TMC1: variants seen among roughly 807,000 people sequenced by gnomAD.
TMC1 encodes the protein transmembrane channel-like protein 1.
In TMC1, 84 loss-of-function variants were observed where a neutral mutation model predicts 105.8. That is an observed-to-expected ratio of 0.79 (90% CI 0.67 to 0.95). TMC1 has a LOEUF of 0.95. Among genes scored for constraint, TMC1 ranks in the 40% least tolerant of loss-of-function variants. The pLI, the probability that TMC1 is intolerant of heterozygous loss-of-function variation, is 0.00. For synonymous variants in TMC1, 315 were observed against 311.5 expected (o/e 1.01, Z -0.12); for missense variants, 817 against 914.1 (o/e 0.89, Z 1.37).
intron 5 of TMC1, among the ~76,000 whole-genome samples, chr9:72,665,396 G>A (rs1036780487): frequency 6.6e-6 from 1 of 152,138 alleles, no homozygotes; most frequent in Admixed American, 6.5e-5. Flanking sequence ...TTGGACTCTG[G>A]CACTATTTTC....
At chr9:72,761,577 A>G (rs1252424224) in intron 12 of TMC1, among the ~76,000 whole-genome samples, 2 of 152,212 alleles carry the variant, frequency 1.3e-5, no homozygotes, top group Non-Finnish European at 2.9e-5. Flanking sequence ...AAGTAGGTAC[A>G]TACATTAAAT....
intron 17 of TMC1, among the ~76,000 whole-genome samples, chr9:72,793,853 T>C (rs1302087163): frequency 6.6e-6 from 1 of 152,202 alleles, no homozygotes; most frequent in Non-Finnish European, 1.5e-5. Flanking sequence ...GGCCTCCAGC[T>C]ACCCTCTGCT....
At chr9:72,562,677 G>C (rs1824078274) in intron 1 of TMC1, among the ~76,000 whole-genome samples, 2 of 151,384 alleles carry the variant, frequency 1.3e-5, no homozygotes, top group South Asian at 4.2e-4. Flanking sequence ...ATTATTATTT[G>C]TCAATTAAAT....
At chr9:72,577,683 T>A (rs779597097) in intron 1 of TMC1, 5 of 148,106 alleles carry the variant, frequency 3.4e-5, no homozygotes, top group Admixed American at 1.4e-4. Context: ...TGACTCAGTG[T>A]TTTTTTTTTA....
At chr9:72,791,591 C>T (rs775052437) in intron 15 of TMC1, among the ~76,000 whole-genome samples, 12 of 152,118 alleles carry the variant, frequency 7.9e-5, no homozygotes, top group African/African-American at 2.9e-4. Flanking sequence ...CCACATAGAA[C>T]AATATGTGTT....
At chr9:72,594,071 C>T (rs1229238951) in intron 2 of TMC1, among the ~76,000 whole-genome samples, 1 of 152,126 alleles carries the variant, frequency 6.6e-6, no homozygotes, top group Non-Finnish European at 1.5e-5. Context: ...TAAATTCTTC[C>T]CTAACCTCTT....
chr9:72,742,663 A>G, intron 10 of TMC1, 138 bp downstream of exon 10: 1 of 792,842 alleles, frequency 1.3e-6, no homozygotes, highest in East Asian at 2.7e-5. Context: ...CCAAATCAAC[A>G]AAAACTTTGT....
At chr9:72,832,430 C>T (rs1829055560) in intron 23 of TMC1, among the ~76,000 whole-genome samples, 1 of 152,182 alleles carries the variant, frequency 6.6e-6, no homozygotes, top group Non-Finnish European at 1.5e-5. Context: ...AATTCCTCAA[C>T]CTCTCCTCCT....
intron 8 of TMC1, among the ~76,000 whole-genome samples, chr9:72,705,893 T>C (rs187835148): frequency 6.6e-6 from 1 of 152,324 alleles, no homozygotes. Context: ...AGTTGTCCAT[T>C]GGCTGGCTAG....
intron 1 of TMC1, among the ~76,000 whole-genome samples, chr9:72,550,981 T>C (rs1350389614): frequency 6.6e-6 from 1 of 151,872 alleles, no homozygotes; most frequent in East Asian, 1.9e-4. Flanking sequence ...ATGATGGGAG[T>C]TGAGATCAGT....
chr9:72,695,682 T>C (rs1490878723), intron 7 of TMC1, among the ~76,000 whole-genome samples: 1 of 152,142 alleles, frequency 6.6e-6, no homozygotes, highest in Non-Finnish European at 1.5e-5. Flanking sequence ...TCCTTATAAA[T>C]GATTGTCATT....
At chr9:72,759,558 A>G (rs1411096330) in intron 12 of TMC1, among the ~76,000 whole-genome samples, 1 of 152,118 alleles carries the variant, frequency 6.6e-6, no homozygotes, top group Non-Finnish European at 1.5e-5. Flanking sequence ...TTTTCCTCCA[A>G]GTTCCGTGGA....
intron 1 of TMC1, among the ~76,000 whole-genome samples, chr9:72,569,302 T>A (rs1299785955): frequency 6.6e-6 from 1 of 152,204 alleles, no homozygotes; most frequent in Non-Finnish European, 1.5e-5. Context: ...ATGCAACTTT[T>A]TTTTTTTCCA....
chr9:72,695,322 T>A (rs1401819812), intron 7 of TMC1, among the ~76,000 whole-genome samples: 1 of 152,198 alleles, frequency 6.6e-6, no homozygotes, highest in Non-Finnish European at 1.5e-5. Context: ...GGAAAACATT[T>A]TAGTAAACGC....
At chr9:72,716,623 C>T (rs1448162157) in intron 8 of TMC1, among the ~76,000 whole-genome samples, 6 of 152,164 alleles carry the variant, frequency 3.9e-5, no homozygotes, top group South Asian at 2.1e-4. Flanking sequence ...CCACCAAGCT[C>T]GAGCATGCCA....
In TMC1 at chr9:72,752,447, AACAC is replaced by A. The variant is rs10640023; in HGVS notation, c.642+515_642+518del. Among the ~76,000 whole-genome samples, 11 of 149,194 alleles carry A rather than the reference AACAC, an allele frequency of 7.4e-5. No homozygotes were observed. The East Asian group carries it at 9.9e-4, about 13-fold the overall frequency. The stretch of plus-strand genomic sequence containing the variant: ...AGATACAAAGTAAGATAATGCCCAC[AACAC>A]ACACACACACACACACACACACAAA... On this transcript the variant is annotated intron_variant, in intron 11 of 23. Transcript: ENST00000297784.
Position 72,650,872 on chromosome 9 carries a change from T to TTA in TMC1, c.16+2217_16+2218dup, listed in dbSNP as rs71495328. Reference sequence around the variant, plus strand: ...GCTGCATGGTATTTCATGGTGTATTTTATATATATAGATATATAGATATAT... The same window carrying TTA: ...GCTGCATGGTATTTCATGGTGTATTTTATATATATATAGATATATAGATATAT... On this transcript the variant is annotated intron_variant, in intron 5 of 23. Transcript: ENST00000297784. Among the ~76,000 whole-genome samples, 175 of 119,854 alleles carry TTA rather than the reference T, an allele frequency of 1.5e-3. 10 individuals are homozygous for TTA. The highest frequency in any genetic ancestry group is 5.5e-3 in the African/African-American group (163 of 29,700). The allele number at this position is 119,854 out of a possible 152,430, so 78.6% of individuals were successfully genotyped here. A position where few individuals can be genotyped will look rare whatever the true frequency, so the allele number is the denominator to read the frequency against.
chr9:72,703,712 C>T (rs1826683009), intron 8 of TMC1, among the ~76,000 whole-genome samples: 1 of 152,190 alleles, frequency 6.6e-6, no homozygotes, highest in South Asian at 2.1e-4. Flanking sequence ...ATCTTCAAAG[C>T]CAAAGTCAGC....
chr9:72,726,714 C>T (rs761467675), intron 8 of TMC1, among the ~76,000 whole-genome samples: 17 of 152,158 alleles, frequency 1.1e-4, no homozygotes, highest in Non-Finnish European at 1.9e-4. Flanking sequence ...ATAGAATACC[C>T]TATTCCAAGA....
Sources: gnomAD v4.1 joint callset for allele counts (sites outside exome capture counted in the v4.1 genomes callset) on GRCh38, gnomAD v4.1.1 for gene constraint, MANE v1.5 for transcripts, NCBI Gene and HGNC (gene_info 2026-07-23, HGNC 2026-07-21) for gene names.